Variants in ADGRB3 observed in about 807,000 individuals in gnomAD.
ADGRB3 encodes brain-specific angiogenesis inhibitor 3.
ADGRB3 carries 37 observed loss-of-function variants against 193.4 expected under a neutral mutation model. The observed-to-expected ratio is 0.19, with a 90% CI of 0.15 to 0.25. ADGRB3 has a LOEUF of 0.25. Ranked by LOEUF, ADGRB3 falls within the 10% of genes least tolerant of loss-of-function variation. ADGRB3 has a pLI of 1.00. For missense variants in ADGRB3, 1,637 were observed against 1,852.9 expected (o/e 0.88, Z 2.14); for synonymous variants, 690 against 644.2 (o/e 1.07, Z -1.08).
At chr6:68,757,973 C>T (rs1766327946) in intron 3 of ADGRB3, among the ~76,000 whole-genome samples, 2 of 152,024 alleles carry the variant, frequency 1.3e-5, no homozygotes, top group African/African-American at 2.4e-5. Flanking sequence ...CATCCTCTTG[C>T]CTTTTAGAGT....
intron 3 of ADGRB3, among the ~76,000 whole-genome samples, chr6:68,850,891 C>T (rs1167875881): frequency 6.6e-6 from 1 of 151,850 alleles, no homozygotes; most frequent in Non-Finnish European, 1.5e-5. Context: ...GAATATTGAT[C>T]CTCAACTTGT....
chr6:68,930,357 GT>G (rs1562090107), intron 3 of ADGRB3, among the ~76,000 whole-genome samples: 1 of 151,940 alleles, frequency 6.6e-6, no homozygotes, highest in African/African-American at 2.4e-5. Context: ...GACTATTACT[GT>G]TTTTTGAAAT....
chr6:69,005,567 G>T (rs1769722675), intron 11 of ADGRB3, among the ~76,000 whole-genome samples: 1 of 152,070 alleles, frequency 6.6e-6, no homozygotes, highest in Non-Finnish European at 1.5e-5. Context: ...ATGGTCTTTT[G>T]TGACCACGTG....
rs567063819 is a variant in ADGRB3 at position 69,311,170 on chromosome 6, A to C, written c.2815-13702A>C. On this transcript the variant is annotated intron_variant, in intron 20 of 31. Coordinates refer to ENST00000370598, the MANE Select transcript of ADGRB3 (RefSeq NM_001704.3). ...ACTGAAATTTTTATTTGCTTCTCGCAATAGCATGAATTGCTTCCATAGAGC... is the reference window on the plus strand; with the variant it reads ...ACTGAAATTTTTATTTGCTTCTCGCCATAGCATGAATTGCTTCCATAGAGC... Among the ~76,000 whole-genome samples, 4 of 151,920 alleles carry C rather than the reference A, an allele frequency of 2.6e-5. No individual in the cohort carries two copies. The South Asian group carries it at 8.3e-4, about 32-fold the overall frequency.
chr6:69,066,374 GA>G lies in ADGRB3; in HGVS notation c.2436+3348del, dbSNP rs899942685. 4.8e-4 allele frequency among the ~76,000 whole-genome samples: 69 copies of G among 143,750 alleles called. No homozygotes were observed. The East Asian group carries it at 6.8e-3, about 14-fold the overall frequency. The allele number at this position is 143,750 out of a possible 152,430, so 94.3% of individuals were successfully genotyped here. A position where few individuals can be genotyped will look rare whatever the true frequency, so the allele number is the denominator to read the frequency against. Reference sequence around the variant, plus strand: ...ATTACATTTTATTAAAATGCCATGTGAAAAAAAAAAGGAAGAATGGGAATTA... The same window carrying G: ...ATTACATTTTATTAAAATGCCATGTGAAAAAAAAAGGAAGAATGGGAATTA... On this transcript the variant is annotated intron_variant, in intron 16 of 31. Transcript: ENST00000370598.
chr6:69,113,259 T>A (rs1453143507), intron 17 of ADGRB3, among the ~76,000 whole-genome samples: 2 of 152,020 alleles, frequency 1.3e-5, no homozygotes, highest in Admixed American at 6.6e-5. Context: ...ATGTACAATA[T>A]ACATATGTAT....
chr6:69,147,279 G>C (rs1283634516), intron 17 of ADGRB3, among the ~76,000 whole-genome samples: 1 of 152,070 alleles, frequency 6.6e-6, no homozygotes, highest in African/African-American at 2.4e-5. Context: ...GTATGCACTT[G>C]TAGCTATAAA....
At chr6:68,972,292 G>A (rs915239813) in intron 8 of ADGRB3, among the ~76,000 whole-genome samples, 7 of 152,098 alleles carry the variant, frequency 4.6e-5, no homozygotes, top group African/African-American at 1.7e-4. Context: ...CCATTCCCAA[G>A]CCAAACTGTG....
chr6:69,367,370 A>T (rs187644677), intron 29 of ADGRB3, among the ~76,000 whole-genome samples: 1 of 152,206 alleles, frequency 6.6e-6, no homozygotes, highest in Non-Finnish European at 1.5e-5. Flanking sequence ...TTCTTTGGGT[A>T]TATATCCGGT....
At chr6:69,320,012 A>T (rs1241562658) in intron 20 of ADGRB3, among the ~76,000 whole-genome samples, 1 of 151,358 alleles carries the variant, frequency 6.6e-6, no homozygotes, top group Non-Finnish European at 1.5e-5. Context: ...CTTTAATTGA[A>T]CAGATAGATT....
At chr6:69,382,122 A>G (rs577819777) in intron 30 of ADGRB3, among the ~76,000 whole-genome samples, 3 of 151,900 alleles carry the variant, frequency 2.0e-5, no homozygotes, top group Admixed American at 6.6e-5. Flanking sequence ...GGGTGTAACC[A>G]GGGATGAGGA....
chr6:68,844,084 G>A (rs936737991), intron 3 of ADGRB3, among the ~76,000 whole-genome samples: 1 of 152,090 alleles, frequency 6.6e-6, no homozygotes, highest in Non-Finnish European at 1.5e-5. Flanking sequence ...GAAAACATTG[G>A]GGAAACCCTC....
intron 15 of ADGRB3, among the ~76,000 whole-genome samples, chr6:69,057,942 A>G (rs545990678): frequency 6.6e-6 from 1 of 151,940 alleles, no homozygotes; most frequent in Non-Finnish European, 1.5e-5. Context: ...TCCAGGTAAT[A>G]CTGGCCTCCT....
chr6:68,824,643 A>G (rs1428109045), intron 3 of ADGRB3, among the ~76,000 whole-genome samples: 1 of 148,372 alleles, frequency 6.7e-6, no homozygotes, highest in Non-Finnish European at 1.5e-5. Context: ...TATATGTGTT[A>G]TATATTATAA....
At chr6:68,941,574 CA>C (rs1003116757) in intron 5 of ADGRB3, among the ~76,000 whole-genome samples, 1 of 147,042 alleles carries the variant, frequency 6.8e-6, no homozygotes, top group Non-Finnish European at 1.5e-5. Flanking sequence ...TATGATTTGA[CA>C]GAAAAAAAAA....
At chr6:68,864,940 C>T (rs1231938114) in intron 3 of ADGRB3, among the ~76,000 whole-genome samples, 1 of 152,144 alleles carries the variant, frequency 6.6e-6, no homozygotes, top group Non-Finnish European at 1.5e-5. Context: ...CTAAGGTTTA[C>T]ACTCCACCTG....
chr6:69,343,145 T>A (rs184922354), intron 26 of ADGRB3, among the ~76,000 whole-genome samples: 29 of 151,614 alleles, frequency 1.9e-4, no homozygotes, highest in East Asian at 1.2e-3. Context: ...TATTTTATTT[T>A]TTTTATTTTT....
intron 17 of ADGRB3, among the ~76,000 whole-genome samples, chr6:69,118,458 AG>A (rs59374083): frequency 0.3 from 45,429 of 151,654 alleles, 9,169 homozygotes; most frequent in East Asian, 0.94. Context: ...GTAAAGGCCC[AG>A]GTACACCAGA....
intron 3 of ADGRB3, among the ~76,000 whole-genome samples, chr6:68,897,027 T>C (rs1294628355): frequency 6.6e-6 from 1 of 152,144 alleles, no homozygotes; most frequent in African/African-American, 2.4e-5. Flanking sequence ...ATCTCAGTCC[T>C]ATTGTAGTCA....
Sources: allele counts gnomAD v4.1 joint callset (sites outside exome capture counted in the v4.1 genomes callset), GRCh38; gene constraint gnomAD v4.1.1; transcripts MANE v1.5; gene names NCBI Gene and HGNC (gene_info 2026-07-23, HGNC 2026-07-21).